ZNF148: variants seen among roughly 807,000 people sequenced by gnomAD.
ZNF148 encodes Beta-Enolase Repressor Factor-1.
Under a neutral mutation model 67.7 loss-of-function variants are expected in ZNF148, and 7 were observed. The ratio of observed to expected loss-of-function variants is 0.10; its 90% CI spans 0.06 to 0.19. The LOEUF (loss-of-function observed/expected upper bound fraction) is 0.19. ZNF148 is among the 10% of genes least tolerant of loss of function. The pLI, the probability that ZNF148 is intolerant of heterozygous loss-of-function variation, is 1.00. For missense variants in ZNF148, 583 were observed against 947.1 expected, an observed-to-expected ratio of 0.62 and a Z score of 5.05; for synonymous variants, 333 against 330.7, an observed-to-expected ratio of 1.01 and a Z score of -0.08.
chr3:125,298,912 C>A (rs1325182123), intron 4 of ZNF148, among the ~76,000 whole-genome samples: 1 of 152,126 alleles, frequency 6.6e-6, no homozygotes, highest in Non-Finnish European at 1.5e-5. Context: ...CAGGCGTGAG[C>A]CACTGCACCC....
chr3:125,373,342 C>T (rs1468173054), intron 1 of ZNF148, among the ~76,000 whole-genome samples: 6 of 151,178 alleles, frequency 4.0e-5, no homozygotes, highest in South Asian at 4.2e-4. Context: ...CCGCTCGCCT[C>T]GGCCTCCCAA....
Position 125,226,838 on chromosome 3 carries a change from G to T in ZNF148, c.*5503C>A, listed in dbSNP as rs1360497294. ...AATTGTCAGGCTGCTGACTACTGAT[G>T]TAAAAGTTTATATTTAAAAATATCA... On this transcript the variant is annotated 3_prime_UTR_variant, in exon 9 of 9. Coordinates refer to ENST00000360647, the MANE Select transcript of ZNF148 (RefSeq NM_021964.3). 1 of 152,192 alleles carries T rather than the reference G, an allele frequency of 6.6e-6. No individual in the cohort carries two copies. Among genetic ancestry groups the T allele is most frequent in the Non-Finnish European group, 1.5e-5 (1 of 67,996 alleles). The allele number at this position is 152,192 out of a possible 1,614,324, so 9.4% of individuals were successfully genotyped here.
At chr3:125,274,548 G>C (rs1392529408) in intron 7 of ZNF148, among the ~76,000 whole-genome samples, 2 of 152,182 alleles carry the variant, frequency 1.3e-5, no homozygotes, top group East Asian at 3.8e-4. Flanking sequence ...TTAAATAATA[G>C]CCTGTCTAGA....
At chr3:125,275,942 C>T (rs1016988803) in intron 7 of ZNF148, among the ~76,000 whole-genome samples, 8 of 152,184 alleles carry the variant, frequency 5.3e-5, no homozygotes, top group African/African-American at 1.9e-4. Flanking sequence ...GTCTCTTCCT[C>T]AGGGCACAAT....
At position 125,238,465 on chromosome 3, in the gene ZNF148, T is replaced by TA. The variant is rs1255280671; in HGVS notation, c.668-4137dup. Among the ~76,000 whole-genome samples, 12 of 151,956 alleles carry TA rather than the reference T, an allele frequency of 7.9e-5. No individual in the cohort carries two copies. The South Asian group carries it at 2.1e-3, about 26-fold the overall frequency. The stretch of plus-strand genomic sequence containing the variant: ...CAACATGGTGAAACCCTGTCTCTAC[T>TA]AAAAATACAAAAATTAGCCAGGCAT... On this transcript the variant is annotated intron_variant, in intron 7 of 8. Coordinates refer to ENST00000360647, the MANE Select transcript of ZNF148 (RefSeq NM_021964.3).
intron 4 of ZNF148, among the ~76,000 whole-genome samples, chr3:125,294,855 TA>T: frequency 6.6e-6 from 1 of 152,214 alleles, no homozygotes. Flanking sequence ...ACTAAGATCC[TA>T]ATGATTGTGA....
chr3:125,341,815 C>T (rs1194626210), intron 1 of ZNF148, among the ~76,000 whole-genome samples: 1 of 151,584 alleles, frequency 6.6e-6, no homozygotes, highest in Non-Finnish European at 1.5e-5. Context: ...GGCAACATGG[C>T]GAAACACCAT....
At chr3:125,290,568 TTCTTA>T (rs1938955309) in intron 4 of ZNF148, among the ~76,000 whole-genome samples, 1 of 152,186 alleles carries the variant, frequency 6.6e-6, no homozygotes, top group South Asian at 2.1e-4. Context: ...TTGTTGGTAT[TTCTTA>T]TAATAGCTGT....
chr3:125,345,426 G>A (rs1216116863), intron 1 of ZNF148, among the ~76,000 whole-genome samples: 2 of 151,904 alleles, frequency 1.3e-5, no homozygotes, highest in African/African-American at 4.8e-5. Flanking sequence ...TTAGAAATGA[G>A]GAAAGATGTC....
chr3:125,370,308 G>A (rs977406359), intron 1 of ZNF148, among the ~76,000 whole-genome samples: 4 of 152,036 alleles, frequency 2.6e-5, no homozygotes, highest in Admixed American at 2.6e-4. Context: ...CCTTCACGCT[G>A]TCAAACACAC....
chr3:125,304,481 C>A (rs1408997847), intron 4 of ZNF148, among the ~76,000 whole-genome samples: 1 of 152,062 alleles, frequency 6.6e-6, no homozygotes, highest in Non-Finnish European at 1.5e-5. Context: ...AAGGTATCCA[C>A]GCAGGGCAGG....
intron 4 of ZNF148, chr3:125,311,197 T>C: frequency 6.1e-6 from 1 of 164,326 alleles, no homozygotes; most frequent in Non-Finnish European, 1.4e-5. Flanking sequence ...ATGTTGGTGC[T>C]GTACTGTTTA....
At chr3:125,337,399 G>A (rs551450115) in intron 1 of ZNF148, among the ~76,000 whole-genome samples, 2 of 152,160 alleles carry the variant, frequency 1.3e-5, no homozygotes, top group African/African-American at 4.8e-5. Flanking sequence ...ATCACAGTGA[G>A]GATGCTGCAC....
intron 4 of ZNF148, among the ~76,000 whole-genome samples, chr3:125,307,327 G>A (rs1404361593): frequency 4.6e-5 from 7 of 150,808 alleles, no homozygotes; most frequent in South Asian, 2.1e-4. Flanking sequence ...TTTTTGAGAC[G>A]GAGTCTCGCT....
chr3:125,329,075 G>A (rs1941155514), intron 2 of ZNF148, among the ~76,000 whole-genome samples: 3 of 150,918 alleles, frequency 2.0e-5, no homozygotes, highest in Admixed American at 6.6e-5. Context: ...ACTGAATGGG[G>A]AAGGGTTGGA....
At chr3:125,328,062 T>C (rs1941105487) in intron 2 of ZNF148, among the ~76,000 whole-genome samples, 2 of 151,912 alleles carry the variant, frequency 1.3e-5, no homozygotes, top group Admixed American at 6.5e-5. Flanking sequence ...CAATACCTAT[T>C]ATTTATATTT....
rs1436653077 is a variant in ZNF148 at position 125,232,130 on chromosome 3, T to C, written c.*211A>G. 3 of 490,200 alleles carry C rather than the reference T, an allele frequency of 6.1e-6. No individual in the cohort carries two copies. The highest frequency in any genetic ancestry group is 1.0e-5 in the Non-Finnish European group (3 of 293,056). The allele number at this position is 490,200 out of a possible 1,614,324, so 30.4% of individuals were successfully genotyped here. ...TGATCTAAAACAAGTAATGCATTGC[T>C]TCTATAAAGGTGACAACATGTAAGG... On this transcript the variant is annotated 3_prime_UTR_variant, in exon 9 of 9. Coordinates refer to ENST00000360647, the MANE Select transcript of ZNF148 (RefSeq NM_021964.3). This position sits in a 1 kb window ranked among gnomAD's most constrained non-coding sequence, Gnocchi z 4.2.
intron 4 of ZNF148, among the ~76,000 whole-genome samples, chr3:125,293,898 T>G (rs999989824): frequency 6.6e-6 from 1 of 152,146 alleles, no homozygotes; most frequent in African/African-American, 2.4e-5. Flanking sequence ...AGAGGATATT[T>G]AAACGGTCTC....
intron 4 of ZNF148, chr3:125,292,599 G>A (rs1320409725): frequency 6.6e-6 from 1 of 152,196 alleles, no homozygotes; most frequent in African/African-American, 2.4e-5. Context: ...ATATGTGCCT[G>A]TATTTTGTAA....
Sources: gnomAD v4.1 joint callset for allele counts (sites outside exome capture counted in the v4.1 genomes callset) on GRCh38, gnomAD v4.1.1 for gene constraint, Gnocchi (gnomAD v3.1) non-coding constraint, MANE v1.5 for transcripts, NCBI Gene and HGNC (gene_info 2026-07-23, HGNC 2026-07-21) for gene names.